AKT3: variants seen among roughly 807,000 people sequenced by gnomAD.
The protein encoded by AKT3 is RAC-gamma serine/threonine-protein kinase.
Under a neutral mutation model 65.3 loss-of-function variants are expected in AKT3, and 15 were observed. The ratio of observed to expected loss-of-function variants is 0.23; its 90% CI spans 0.15 to 0.35. The LOEUF (loss-of-function observed/expected upper bound fraction) is 0.35, where lower values mean the gene tolerates loss of function less well. AKT3 is among the 10% of genes least tolerant of loss of function. AKT3 has a pLI of 1.00. For synonymous variants in AKT3, 206 were observed against 183.8 expected (o/e 1.12, Z -0.98); for missense variants, 243 against 576.5 (o/e 0.42, Z 5.92).
intron 2 of AKT3, among the ~76,000 whole-genome samples, chr1:243,840,576 T>C (rs969030766): frequency 2.0e-5 from 3 of 152,212 alleles, no homozygotes; most frequent in Non-Finnish European, 4.4e-5. Context: ...ATATTATTTA[T>C]ATAATGTAAT....
At chr1:243,759,139 C>A (rs1363397100) in intron 2 of AKT3, among the ~76,000 whole-genome samples, 2 of 152,062 alleles carry the variant, frequency 1.3e-5, no homozygotes, top group East Asian at 1.9e-4. Flanking sequence ...AATGCCAAAA[C>A]CTCGTCTCTA....
intron 2 of AKT3, among the ~76,000 whole-genome samples, chr1:243,755,464 T>A (rs1169125095): frequency 6.6e-6 from 1 of 152,150 alleles, no homozygotes; most frequent in Admixed American, 6.5e-5. Context: ...ATTGAGGGTT[T>A]AAAGTGTAAG....
intron 2 of AKT3, among the ~76,000 whole-genome samples, chr1:243,710,831 GT>G (rs1406728901): frequency 2.6e-5 from 4 of 152,148 alleles, no homozygotes; most frequent in Non-Finnish European, 5.9e-5. Flanking sequence ...AAAATAAAGA[GT>G]TGTGACAATC....
At chr1:243,666,148 C>T (rs1000837712) in intron 3 of AKT3, among the ~76,000 whole-genome samples, 9 of 152,074 alleles carry the variant, frequency 5.9e-5, no homozygotes, top group African/African-American at 1.9e-4. Context: ...TGATTACAGG[C>T]GTGCACCACC....
intron 8 of AKT3, among the ~76,000 whole-genome samples, chr1:243,591,935 T>C (rs553026704): frequency 4.7e-4 from 72 of 152,232 alleles, no homozygotes; most frequent in African/African-American, 1.7e-3. Context: ...AAGTAGATTC[T>C]CAGGATGGAA....
chr1:243,834,741 A>G (rs1694781578), intron 2 of AKT3, among the ~76,000 whole-genome samples: 1 of 152,178 alleles, frequency 6.6e-6, no homozygotes, highest in South Asian at 2.1e-4. Flanking sequence ...AAAAGTTTAA[A>G]AAAAAAAGCT....
chr1:243,722,661 T>C (rs559911311), intron 2 of AKT3, among the ~76,000 whole-genome samples: 2 of 152,222 alleles, frequency 1.3e-5, no homozygotes, highest in East Asian at 3.9e-4. Context: ...CAATCCCCAC[T>C]GAAAAAGATG....
chr1:243,771,125 C>T (rs996439464), intron 2 of AKT3, among the ~76,000 whole-genome samples: 2 of 152,174 alleles, frequency 1.3e-5, no homozygotes, highest in Non-Finnish European at 2.9e-5. Flanking sequence ...AAGCAGACCA[C>T]GAATGTTCTT....
chr1:243,537,399 A>G (rs1672008502), intron 12 of AKT3, among the ~76,000 whole-genome samples: 1 of 152,166 alleles, frequency 6.6e-6, no homozygotes, highest in Non-Finnish European at 1.5e-5. Context: ...ATCTGAAATT[A>G]ATTACCAAAA....
intron 4 of AKT3, among the ~76,000 whole-genome samples, chr1:243,660,329 G>A (rs373518345): frequency 3.9e-5 from 6 of 152,002 alleles, no homozygotes; most frequent in East Asian, 1.9e-4. Flanking sequence ...TGGTGATATC[G>A]AATCCAGCAG....
intron 11 of AKT3, among the ~76,000 whole-genome samples, chr1:243,549,007 C>G (rs1406554899): frequency 1.3e-5 from 2 of 152,096 alleles, no homozygotes; most frequent in African/African-American, 4.8e-5. Flanking sequence ...TTTTCTTTCT[C>G]CCCCTGAAAC....
intron 1 of AKT3, among the ~76,000 whole-genome samples, chr1:243,849,044 T>A (rs774409673): frequency 6.6e-6 from 1 of 152,168 alleles, no homozygotes; most frequent in African/African-American, 2.4e-5. Context: ...ATCTCTAGGC[T>A]AACTGTAGAT....
chr1:243,685,775 G>A (rs1684247988), intron 3 of AKT3, among the ~76,000 whole-genome samples: 1 of 152,092 alleles, frequency 6.6e-6, no homozygotes, highest in African/African-American at 2.4e-5. Context: ...GCAAGATAAA[G>A]AAATAAAGGG....
intron 2 of AKT3, among the ~76,000 whole-genome samples, chr1:243,841,965 A>G (rs1190760451): frequency 6.6e-6 from 1 of 152,206 alleles, no homozygotes; most frequent in African/African-American, 2.4e-5. Context: ...GAAAAGCAAA[A>G]TTATAGTAAC....
intron 8 of AKT3, among the ~76,000 whole-genome samples, chr1:243,589,315 A>G (rs1451028192): frequency 2.0e-5 from 3 of 149,488 alleles, no homozygotes; most frequent in Non-Finnish European, 4.5e-5. Context: ...TCAAAAAAAA[A>G]AAAAAAAAAG....
intron 2 of AKT3, among the ~76,000 whole-genome samples, chr1:243,785,747 A>G (rs1168826706): frequency 6.6e-6 from 1 of 152,210 alleles, no homozygotes; most frequent in Non-Finnish European, 1.5e-5. Flanking sequence ...GCCAGAGTGC[A>G]CAGCCATCAA....
At chr1:243,523,269 A>G (rs904790975) in intron 12 of AKT3, among the ~76,000 whole-genome samples, 2 of 144,486 alleles carry the variant, frequency 1.4e-5, no homozygotes, top group Non-Finnish European at 3.0e-5. Flanking sequence ...GAACACACAC[A>G]CACACACACA....
intron 9 of AKT3, among the ~76,000 whole-genome samples, chr1:243,568,029 T>C (rs961287972): frequency 3.3e-5 from 5 of 152,210 alleles, no homozygotes; most frequent in Non-Finnish European, 4.4e-5. Flanking sequence ...ATAATGTAAG[T>C]AGTATTTACA....
chr1:243,507,941 T>C (rs1669773196), intron 13 of AKT3, among the ~76,000 whole-genome samples: 1 of 152,250 alleles, frequency 6.6e-6, no homozygotes, highest in Non-Finnish European at 1.5e-5. Flanking sequence ...CAGCTGTTTG[T>C]AGAAAATGGA....
Sources: gnomAD v4.1 joint callset for allele counts (sites outside exome capture counted in the v4.1 genomes callset) on GRCh38, gnomAD v4.1.1 for gene constraint, MANE v1.5 for transcripts, NCBI Gene and HGNC (gene_info 2026-07-23, HGNC 2026-07-21) for gene names.